Variants in LY96 observed in about 807,000 individuals in gnomAD.
The protein encoded by LY96 is lymphocyte antigen 96, also known as myeloid differentiation protein-2.
A neutral mutation model predicts 18.9 loss-of-function variants in LY96; 18 were observed. That is an observed-to-expected ratio of 0.95 (90% CI 0.66 to 1.41). The LOEUF (loss-of-function observed/expected upper bound fraction) is 1.41. Among genes scored for constraint, LY96 ranks in the 40% most tolerant of loss-of-function variants. The pLI is 0.00. For synonymous variants in LY96, 66 were observed against 62.6 expected, an observed-to-expected ratio of 1.06 and a Z score of -0.26; for missense variants, 175 against 182.4, an observed-to-expected ratio of 0.96 and a Z score of 0.23.
intron 1 of LY96, among the ~76,000 whole-genome samples, chr8:74,004,417 G>T (rs186424362): frequency 3.9e-5 from 6 of 152,206 alleles, no homozygotes; most frequent in South Asian, 4.1e-4. Context: ...GAGCTGGTTG[G>T]GGGGGTCTCT....
intron 1 of LY96, among the ~76,000 whole-genome samples, chr8:73,996,353 CT>C (rs1816128010): frequency 7.8e-6 from 1 of 128,526 alleles, no homozygotes; most frequent in African/African-American, 2.9e-5. Flanking sequence ...TCCTTCCTTC[CT>C]TCCTTCCTTC....
At chr8:74,088,083 A>AAGAATAAAATAGAAT in the LY96 span, among the ~76,000 whole-genome samples, 489 of 120,428 alleles carry the variant, frequency 4.1e-3, 2 homozygotes, top group Non-Finnish European at 5.5e-3. Flanking sequence ...TCACTGAGAG[A>AAGAATAAAATAGAAT]AGAATAGAAT....
chr8:74,064,321 T>A, the LY96 span, among the ~76,000 whole-genome samples: 1 of 152,170 alleles, frequency 6.6e-6, no homozygotes, highest in Non-Finnish European at 1.5e-5. Flanking sequence ...CCAAATCTCA[T>A]GTTAAAATGT....
chr8:74,017,497 A>G (rs919070886), intron 3 of LY96, among the ~76,000 whole-genome samples: 1 of 152,164 alleles, frequency 6.6e-6, no homozygotes, highest in Non-Finnish European at 1.5e-5. Flanking sequence ...TATCCAGGAG[A>G]ACTTCCCCAA....
chr8:74,071,546 T>C, the LY96 span, among the ~76,000 whole-genome samples: 1 of 152,164 alleles, frequency 6.6e-6, no homozygotes, highest in Non-Finnish European at 1.5e-5. Context: ...TATAGTAATA[T>C]CACAAATACT....
intron 3 of LY96, among the ~76,000 whole-genome samples, chr8:74,018,251 T>A (rs1464424701): frequency 1.3e-5 from 2 of 150,850 alleles, no homozygotes; most frequent in East Asian, 2.0e-4. Context: ...AAAAAATAAA[T>A]AAATAAACAG....
chr8:73,995,370 T>C (rs982247094), intron 1 of LY96, among the ~76,000 whole-genome samples: 3 of 152,262 alleles, frequency 2.0e-5, no homozygotes, highest in African/African-American at 7.2e-5. Flanking sequence ...CTTTCCTCTG[T>C]GTGTGCACAT....
the LY96 span, among the ~76,000 whole-genome samples, chr8:74,049,725 C>T: frequency 6.6e-5 from 10 of 152,152 alleles, no homozygotes; most frequent in Admixed American, 2.0e-4. Context: ...AGTTGGGAAG[C>T]AAAGAGTTAA....
intron 3 of LY96, among the ~76,000 whole-genome samples, chr8:74,015,120 T>A (rs1258452119): frequency 6.6e-6 from 1 of 151,990 alleles, no homozygotes; most frequent in Non-Finnish European, 1.5e-5. Context: ...GGCGGGAGGA[T>A]CACTGGAGCT....
chr8:74,003,333 A>AG (rs1279396530), intron 1 of LY96, among the ~76,000 whole-genome samples: 1 of 152,214 alleles, frequency 6.6e-6, no homozygotes, highest in East Asian at 1.9e-4. Flanking sequence ...CACTTCTAAA[A>AG]GGGGGTGGGC....
chr8:74,008,050 G>A (rs1225433525), intron 2 of LY96, among the ~76,000 whole-genome samples: 5 of 152,220 alleles, frequency 3.3e-5, no homozygotes, highest in East Asian at 1.9e-4. Context: ...GTGAGCCACC[G>A]CGCCCAGCCC....
the LY96 span, among the ~76,000 whole-genome samples, chr8:74,046,941 G>A: frequency 4.3e-5 from 6 of 140,454 alleles, no homozygotes; most frequent in East Asian, 2.0e-4. Flanking sequence ...TCGCTCCGTC[G>A]CCTAGGCTGG....
chr8:74,073,092 C>T, the LY96 span, among the ~76,000 whole-genome samples: 1 of 152,168 alleles, frequency 6.6e-6, no homozygotes, highest in African/African-American at 2.4e-5. Context: ...TAGGACTCTG[C>T]AAGCATGAGC....
chr8:74,025,779 G>C (rs1433228192), intron 3 of LY96, among the ~76,000 whole-genome samples: 1 of 151,994 alleles, frequency 6.6e-6, no homozygotes, highest in Non-Finnish European at 1.5e-5. Context: ...AGGCCAAGGC[G>C]GGCAGATCGC....
chr8:74,038,715 T>A, the LY96 span, among the ~76,000 whole-genome samples: 1 of 152,166 alleles, frequency 6.6e-6, no homozygotes, highest in South Asian at 2.1e-4. Context: ...TGTGGCTAAA[T>A]AGTATTCTAT....
intron 3 of LY96, among the ~76,000 whole-genome samples, chr8:74,022,403 G>T (rs1816784168): frequency 6.7e-6 from 1 of 149,452 alleles, no homozygotes; most frequent in Admixed American, 6.6e-5. Flanking sequence ...TGAGACTCCA[G>T]TCTCAAAAAA....
downstream of LY96, among the ~76,000 whole-genome samples, chr8:74,033,556 A>C (rs1007180767): frequency 6.6e-6 from 1 of 152,194 alleles, no homozygotes; most frequent in African/African-American, 2.4e-5. Flanking sequence ...TTTTTCCCCT[A>C]GGACTGATTC....
intron 1 of LY96, among the ~76,000 whole-genome samples, chr8:74,000,616 C>T (rs1295384819): frequency 6.6e-6 from 1 of 152,200 alleles, no homozygotes; most frequent in Non-Finnish European, 1.5e-5. Context: ...CCAGCCTCTG[C>T]CTATTATCCA....
rs1048224172 is a variant in LY96, at chr8:73,991,458, T to A, written c.16T>A (p.Phe6Ile). Reference sequence around the variant, plus strand: ...ATATTGAATCATGTTACCATTTCTGTTTTTTTCCACCCTGTTTTCTTCCAT... The same window carrying A: ...ATATTGAATCATGTTACCATTTCTGATTTTTTCCACCCTGTTTTCTTCCAT... MLPFL[F>I]FSTLFSSIFT... The change falls in exon 1 of 5, where the codon TTT (phenylalanine) becomes ATT (isoleucine). Residue 6 changes from phenylalanine to isoleucine, a missense_variant. Physicochemically the swap from Phe to Ile is conservative, Grantham distance 21 (BLOSUM62 0). Coordinates refer to ENST00000284818, the MANE Select transcript of LY96 (RefSeq NM_015364.5). 15 of 1,603,502 alleles carry A rather than the reference T, an allele frequency of 9.4e-6. No homozygotes were observed. The highest frequency in any genetic ancestry group is 1.3e-5 in the Non-Finnish European group (15 of 1,170,606).
Sources: gnomAD v4.1 joint callset for allele counts (sites outside exome capture counted in the v4.1 genomes callset) on GRCh38, gnomAD v4.1.1 for gene constraint, MANE v1.5 for transcripts, NCBI Gene and HGNC (gene_info 2026-07-23, HGNC 2026-07-21) for gene names.